Variants in PRKG1 observed in about 807,000 individuals in gnomAD.
PRKG1 encodes the protein cGMP-dependent protein kinase 1.
Under a neutral mutation model 88.1 loss-of-function variants are expected in PRKG1, and 35 were observed. That is an observed-to-expected ratio of 0.40 (90% confidence interval 0.30 to 0.53). The LOEUF is 0.53. Ranked by LOEUF, PRKG1 falls within the 20% of genes least tolerant of loss-of-function variation. The pLI, the probability that PRKG1 is intolerant of heterozygous loss-of-function variation, is 0.59. For missense variants in PRKG1, 540 were observed against 839.8 expected, an observed-to-expected ratio of 0.64 and a Z score of 4.41; for synonymous variants, 303 against 292.5, an observed-to-expected ratio of 1.04 and a Z score of -0.37.
chr10:52,250,748 G>A (rs902157976), intron 9 of PRKG1, among the ~76,000 whole-genome samples: 4 of 152,090 alleles, frequency 2.6e-5, no homozygotes, highest in African/African-American at 4.8e-5. Flanking sequence ...CTTTGACAAG[G>A]ATATATTTTA....
At chr10:51,495,309 G>T (rs1840821208) in intron 3 of PRKG1, among the ~76,000 whole-genome samples, 1 of 152,086 alleles carries the variant, frequency 6.6e-6, no homozygotes, top group Non-Finnish European at 1.5e-5. Flanking sequence ...TGGTCAGGCT[G>T]GTCTTAGACG....
Position 51,537,596 on chromosome 10 carries a change from G to A in PRKG1, c.592+69760G>A, listed in dbSNP as rs541370314. On this transcript the variant is annotated intron_variant, in intron 3 of 17. Transcript: ENST00000373980. ...ATACAAAAATTAGCTAGGCGTGGTG[G>A]CATGCACCTGTATCCCAGCTACTCT... Among the ~76,000 whole-genome samples the A allele has an allele frequency of 5.8e-4, 88 of 152,062 alleles. No individual in the cohort carries two copies. In the South Asian group the frequency reaches 8.5e-3, roughly 15 times the overall value.
At chr10:51,324,768 T>G (rs983443059) in intron 2 of PRKG1, among the ~76,000 whole-genome samples, 1 of 148,676 alleles carries the variant, frequency 6.7e-6, no homozygotes, top group African/African-American at 2.4e-5. Context: ...TGTGTATATA[T>G]CTAACATTTT....
intron 5 of PRKG1, among the ~76,000 whole-genome samples, chr10:52,002,698 T>C (rs1000317179): frequency 3.3e-5 from 5 of 152,138 alleles, no homozygotes; most frequent in Admixed American, 6.6e-5. Context: ...CTAGGGAAGA[T>C]GTAAAAGATG....
At chr10:52,189,606 C>T (rs928611751) in intron 9 of PRKG1, among the ~76,000 whole-genome samples, 3 of 152,144 alleles carry the variant, frequency 2.0e-5, no homozygotes, top group African/African-American at 7.2e-5. Context: ...TGAGGTGGTA[C>T]AGTTTCATCC....
intron 1 of PRKG1, among the ~76,000 whole-genome samples, chr10:51,116,954 G>T (rs1420419459): frequency 6.6e-6 from 1 of 152,170 alleles, no homozygotes; most frequent in Non-Finnish European, 1.5e-5. Flanking sequence ...TAACAGGGTT[G>T]TTGGAGGCTG....
intron 2 of PRKG1, among the ~76,000 whole-genome samples, chr10:51,171,790 A>C (rs1837032590): frequency 6.6e-6 from 1 of 152,060 alleles, no homozygotes; most frequent in Non-Finnish European, 1.5e-5. Context: ...GTCAGGAACT[A>C]TTATGTTCTC....
intron 10 of PRKG1, among the ~76,000 whole-genome samples, chr10:52,268,688 CA>C (rs893025551): frequency 0.01 from 1,566 of 149,642 alleles, 28 homozygotes; most frequent in African/African-American, 0.037. Flanking sequence ...TAGCTTGGGC[CA>C]AAAAAAAACC....
chr10:51,723,513 C>A (rs1181985379), intron 3 of PRKG1, among the ~76,000 whole-genome samples: 1 of 151,946 alleles, frequency 6.6e-6, no homozygotes, highest in Non-Finnish European at 1.5e-5. Context: ...AGGAGAAATG[C>A]CTAATATAGA....
chr10:51,828,682 C>T (rs1422337267), intron 4 of PRKG1, among the ~76,000 whole-genome samples: 2 of 152,030 alleles, frequency 1.3e-5, no homozygotes, highest in African/African-American at 4.8e-5. Flanking sequence ...CTTTTAGTTT[C>T]TAGAAAACAC....
intron 7 of PRKG1, among the ~76,000 whole-genome samples, chr10:52,099,615 T>C (rs1439639546): frequency 1.3e-5 from 2 of 152,256 alleles, no homozygotes; most frequent in African/African-American, 4.8e-5. Context: ...AAATAAAAGA[T>C]GGATCACAGT....
intron 3 of PRKG1, among the ~76,000 whole-genome samples, chr10:51,583,611 AG>A (rs1482398307): frequency 6.6e-6 from 1 of 152,050 alleles, no homozygotes. Flanking sequence ...TTCTCTATCT[AG>A]AATATAGTGC....
intron 2 of PRKG1, among the ~76,000 whole-genome samples, chr10:51,334,769 T>C (rs1294525562): frequency 2.0e-5 from 3 of 151,944 alleles, no homozygotes; most frequent in Admixed American, 6.6e-5. Context: ...ACAGAAACAA[T>C]AGAGGAGTTA....
chr10:51,524,259 G>A (rs761646076), intron 3 of PRKG1, among the ~76,000 whole-genome samples: 58 of 152,194 alleles, frequency 3.8e-4, no homozygotes, highest in African/African-American at 6.5e-4. Flanking sequence ...ATTTGTTTAT[G>A]GCAATCTGAG....
intron 10 of PRKG1, chr10:52,252,513 G>A (rs566064659): frequency 2.0e-5 from 3 of 152,074 alleles, no homozygotes; most frequent in Non-Finnish European, 4.4e-5. Flanking sequence ...CACCAGTACA[G>A]TATGTGAGGA....
chr10:51,902,578 C>G (rs1842003186), intron 4 of PRKG1, among the ~76,000 whole-genome samples: 1 of 152,016 alleles, frequency 6.6e-6, no homozygotes, highest in South Asian at 2.1e-4. Flanking sequence ...CTCAGGCACA[C>G]AGAAAACTTA....
intron 9 of PRKG1, among the ~76,000 whole-genome samples, chr10:52,196,938 A>G (rs1209583202): frequency 2.0e-5 from 3 of 152,210 alleles, no homozygotes; most frequent in Non-Finnish European, 4.4e-5. Context: ...GTGTAGCAGT[A>G]TCTCTAAATC....
At chr10:51,184,619 T>C (rs899328898) in intron 2 of PRKG1, among the ~76,000 whole-genome samples, 9 of 152,214 alleles carry the variant, frequency 5.9e-5, no homozygotes, top group African/African-American at 1.7e-4. Flanking sequence ...GTTGTTTTTT[T>C]CTTTTTTTCA....
At chr10:51,356,977 A>C (rs948410017) in intron 2 of PRKG1, among the ~76,000 whole-genome samples, 1 of 151,948 alleles carries the variant, frequency 6.6e-6, no homozygotes, top group Non-Finnish European at 1.5e-5. Flanking sequence ...AGCACCTAGC[A>C]TGTGGTGGAC....
Sources: allele counts gnomAD v4.1 joint callset (sites outside exome capture counted in the v4.1 genomes callset), GRCh38; gene constraint gnomAD v4.1.1; transcripts MANE v1.5; gene names NCBI Gene and HGNC (gene_info 2026-07-23, HGNC 2026-07-21).